Variants in KHDRBS2 observed in about 807,000 individuals in gnomAD.
KHDRBS2 encodes KH RNA binding domain containing, signal transduction associated 2.
Under a neutral mutation model 44.3 loss-of-function variants are expected in KHDRBS2, and 26 were observed. The ratio of observed to expected loss-of-function variants is 0.59; its 90% confidence interval spans 0.43 to 0.81. KHDRBS2 has a LOEUF of 0.81. KHDRBS2 is among the 40% of genes least tolerant of loss of function. KHDRBS2 has a pLI of 0.00. For missense variants in KHDRBS2, 476 were observed against 433.1 expected, an observed-to-expected ratio of 1.10 and a Z score of -0.88; for synonymous variants, 194 against 151.1, an observed-to-expected ratio of 1.28 and a Z score of -2.08.
intron 2 of KHDRBS2, among the ~76,000 whole-genome samples, chr6:62,119,886 C>T (rs1807186117): frequency 6.6e-6 from 1 of 152,150 alleles, no homozygotes; most frequent in South Asian, 2.1e-4. Context: ...TGCTTCTAGA[C>T]CTGTAACCAA....
chr6:62,230,336 C>CTTA (rs1484396472), intron 1 of KHDRBS2, among the ~76,000 whole-genome samples: 1 of 152,160 alleles, frequency 6.6e-6, no homozygotes, highest in Non-Finnish European at 1.5e-5. Context: ...GTTCTTCCAC[C>CTTA]ATTAAGTGAC....
chr6:62,062,964 A>T (rs1792400599), intron 2 of KHDRBS2, among the ~76,000 whole-genome samples: 1 of 151,298 alleles, frequency 6.6e-6, no homozygotes, highest in Non-Finnish European at 1.5e-5. Flanking sequence ...CCGATCCCAC[A>T]GAAATACAAA....
chr6:61,564,572 T>C, the KHDRBS2 span, among the ~76,000 whole-genome samples: 1 of 151,976 alleles, frequency 6.6e-6, no homozygotes. Flanking sequence ...AAAGCATAAA[T>C]GTAAAGTTGA....
the KHDRBS2 span, among the ~76,000 whole-genome samples, chr6:61,606,874 A>G: frequency 9.4e-4 from 143 of 152,290 alleles, 1 homozygote; most frequent in Non-Finnish European, 1.9e-3. Flanking sequence ...GATATCTCAA[A>G]CATGTCAATA....
intron 2 of KHDRBS2, among the ~76,000 whole-genome samples, chr6:62,077,985 G>C (rs1391013517): frequency 6.6e-6 from 1 of 151,966 alleles, no homozygotes; most frequent in African/African-American, 2.4e-5. Flanking sequence ...TAAGGGAAAA[G>C]GCATCATACC....
chr6:61,798,628 C>A (rs1261721493), intron 6 of KHDRBS2, among the ~76,000 whole-genome samples: 1 of 152,024 alleles, frequency 6.6e-6, no homozygotes, highest in Non-Finnish European at 1.5e-5. Context: ...TTGGCCACCA[C>A]AATCATCATA....
At chr6:61,755,508 T>C (rs2127570426) in intron 6 of KHDRBS2, among the ~76,000 whole-genome samples, 1 of 152,100 alleles carries the variant, frequency 6.6e-6, no homozygotes, top group East Asian at 1.9e-4. Flanking sequence ...AACTTGAATA[T>C]GTGTATAAAA....
At chr6:61,547,902 A>G in the KHDRBS2 span, among the ~76,000 whole-genome samples, 1 of 152,162 alleles carries the variant, frequency 6.6e-6, no homozygotes, top group Non-Finnish European at 1.5e-5. Flanking sequence ...GTTGGCCTTT[A>G]TAGACAAGGG....
At chr6:62,142,810 CATT>C (rs1251509671) in intron 2 of KHDRBS2, among the ~76,000 whole-genome samples, 7 of 151,086 alleles carry the variant, frequency 4.6e-5, no homozygotes, top group African/African-American at 1.5e-4. Flanking sequence ...ATCCAGAAAA[CATT>C]ATTATTATAT....
intron 3 of KHDRBS2, among the ~76,000 whole-genome samples, chr6:62,044,065 A>C (rs1300440468): frequency 1.3e-5 from 2 of 152,088 alleles, no homozygotes; most frequent in African/African-American, 2.4e-5. Context: ...ATATGGAATA[A>C]ATATTTTTGA....
intron 6 of KHDRBS2, among the ~76,000 whole-genome samples, chr6:61,853,539 T>A (rs1274685368): frequency 6.6e-6 from 1 of 152,194 alleles, no homozygotes; most frequent in Non-Finnish European, 1.5e-5. Context: ...CATTGTGGAA[T>A]CTCCTGAATG....
At chr6:61,661,105 C>A in the KHDRBS2 span, among the ~76,000 whole-genome samples, 1 of 151,776 alleles carries the variant, frequency 6.6e-6, no homozygotes, top group African/African-American at 2.4e-5. Context: ...TAGAATAAAA[C>A]TAAAAGAGTT....
intron 6 of KHDRBS2, among the ~76,000 whole-genome samples, chr6:61,758,730 C>T (rs918375675): frequency 6.6e-6 from 1 of 151,938 alleles, no homozygotes; most frequent in African/African-American, 2.4e-5. Context: ...TCCTAATCAA[C>T]CTATGGTTTG....
chr6:61,931,862 T>TTCC (rs753839907), intron 4 of KHDRBS2, among the ~76,000 whole-genome samples: 8 of 151,548 alleles, frequency 5.3e-5, no homozygotes, highest in African/African-American at 1.5e-4. Context: ...AACCCATCCT[T>TTCC]TCCTCCTCCT....
rs917114008 is a variant in KHDRBS2 at position 62,286,133 on chromosome 6, G to C, written c.-185C>G. 16 of 575,686 alleles carry C rather than the reference G, an allele frequency of 2.8e-5. No homozygotes were observed. Among genetic ancestry groups the C allele is most frequent in the Non-Finnish European group, 4.9e-5 (16 of 329,368 alleles). The allele number at this position is 575,686 out of a possible 1,614,324, so 35.7% of individuals were successfully genotyped here. A position where few individuals can be genotyped will look rare whatever the true frequency, so the allele number is the denominator to read the frequency against. Reference sequence around the variant, plus strand: ...TCCCGCCGTCGGGCTGCGTGGCCCCGCGCCCACACCTGCCCGTCCCTTCCG... The same window carrying C: ...TCCCGCCGTCGGGCTGCGTGGCCCCCCGCCCACACCTGCCCGTCCCTTCCG... On this transcript the variant is annotated 5_prime_UTR_variant, in exon 1 of 9. Coordinates refer to ENST00000281156, the MANE Select transcript of KHDRBS2 (RefSeq NM_152688.4).
intron 3 of KHDRBS2, among the ~76,000 whole-genome samples, chr6:61,989,116 C>T (rs1775632785): frequency 1.3e-5 from 2 of 152,126 alleles, no homozygotes; most frequent in Non-Finnish European, 1.5e-5. Context: ...TTTCTCAGAG[C>T]ATTTATGTTA....
chr6:62,169,326 A>G (rs915876443), intron 2 of KHDRBS2, among the ~76,000 whole-genome samples: 1 of 151,742 alleles, frequency 6.6e-6, no homozygotes, highest in African/African-American at 2.4e-5. Context: ...AGAGTCTTTT[A>G]CATGAATGTC....
intron 8 of KHDRBS2, among the ~76,000 whole-genome samples, chr6:61,687,571 T>G (rs1455302065): frequency 6.6e-6 from 1 of 151,912 alleles, no homozygotes; most frequent in South Asian, 2.1e-4. Flanking sequence ...GCATTTGCAT[T>G]ACTATCCTGC....
At chr6:62,032,562 T>C (rs1476132946) in intron 3 of KHDRBS2, among the ~76,000 whole-genome samples, 3 of 150,292 alleles carry the variant, frequency 2.0e-5, no homozygotes, top group African/African-American at 7.3e-5. Flanking sequence ...TATATGTATA[T>C]ACATTTCATT....
Sources: allele counts gnomAD v4.1 joint callset (sites outside exome capture counted in the v4.1 genomes callset), GRCh38; gene constraint gnomAD v4.1.1; transcripts MANE v1.5; gene names NCBI Gene and HGNC (gene_info 2026-07-23, HGNC 2026-07-21).